PID1: variants seen among roughly 807,000 people sequenced by gnomAD.
PID1 encodes the protein PTB-containing, cubilin and LRP1-interacting protein.
PID1 carries 10 observed loss-of-function variants against 19.1 expected under a neutral mutation model. The ratio of observed to expected loss-of-function variants is 0.52; its 90% CI spans 0.32 to 0.89. The LOEUF (loss-of-function observed/expected upper bound fraction) is 0.89, where lower values mean the gene tolerates loss of function less well. PID1 is among the 40% of genes least tolerant of loss of function. The pLI is 0.03. For missense variants in PID1, 248 were observed against 285.3 expected (o/e 0.87, Z 0.94); for synonymous variants, 130 against 116.0 (o/e 1.12, Z -0.78).
At position 229,155,816 on chromosome 2, in the gene PID1, A is replaced by G; in HGVS notation, c.177+2T>C. 6.2e-7 allele frequency: 1 copy of G among 1,609,992 alleles called. No individual in the cohort carries two copies. Among genetic ancestry groups the G allele is most frequent in the Non-Finnish European group, 8.5e-7 (1 of 1,177,944 alleles). ...AACCCCTGCTGGCCACGTGCCCCAT[A>G]CCTTGCAGCCACTGTGAGTCCTTGT... On this transcript the variant is annotated splice_donor_variant, in intron 2 of 2. Transcript: ENST00000392055. LOFTEE classifies it high-confidence loss of function.
chr2:229,268,798 C>T (rs889912556), intron 1 of PID1, among the ~76,000 whole-genome samples: 1 of 151,878 alleles, frequency 6.6e-6, no homozygotes, highest in Non-Finnish European at 1.5e-5. Context: ...ATCGGACAGG[C>T]ATGTTTCTAT....
At chr2:229,034,333 C>A (rs542168070) in intron 2 of PID1, among the ~76,000 whole-genome samples, 1 of 152,164 alleles carries the variant, frequency 6.6e-6, no homozygotes, top group Non-Finnish European at 1.5e-5. Flanking sequence ...TGGCTAAATG[C>A]TTTATATGGA....
intron 2 of PID1, among the ~76,000 whole-genome samples, chr2:229,053,998 C>A (rs1048446451): frequency 6.6e-6 from 1 of 152,106 alleles, no homozygotes; most frequent in South Asian, 2.1e-4. Context: ...TCTAATCACA[C>A]AAATGGATGG....
intron 1 of PID1, among the ~76,000 whole-genome samples, chr2:229,239,563 T>G (rs1016689905): frequency 2.0e-5 from 3 of 151,888 alleles, no homozygotes; most frequent in Admixed American, 2.0e-4. Context: ...ATCTAGGGGG[T>G]TATGACTAGA....
At chr2:229,111,410 G>C (rs757568909) in intron 2 of PID1, among the ~76,000 whole-genome samples, 15 of 152,250 alleles carry the variant, frequency 9.9e-5, no homozygotes, top group South Asian at 8.3e-4. Context: ...TTAGACTGGA[G>C]TTTTCACTGT....
At chr2:229,269,142 T>C (rs1232179150) in intron 1 of PID1, among the ~76,000 whole-genome samples, 1 of 150,756 alleles carries the variant, frequency 6.6e-6, no homozygotes, top group Non-Finnish European at 1.5e-5. Context: ...GGTAAGGACC[T>C]TCCAACAGTG....
intron 2 of PID1, among the ~76,000 whole-genome samples, chr2:229,133,240 G>A (rs1216983103): frequency 2.0e-5 from 3 of 152,152 alleles, no homozygotes. Context: ...TTAAAGTTCT[G>A]GCAGTGACTA....
intron 1 of PID1, among the ~76,000 whole-genome samples, chr2:229,252,251 G>C (rs1225967256): frequency 6.6e-6 from 1 of 152,226 alleles, no homozygotes. Context: ...AGAGAAGCAA[G>C]AAAGGAAGAA....
chr2:229,155,806 C>A lies in PID1; in HGVS notation c.177+12G>T. 6.3e-7 allele frequency: 1 copy of A among 1,599,214 alleles called. No homozygotes were observed. Among genetic ancestry groups the A allele is most frequent in the South Asian group, 1.1e-5 (1 of 89,680 alleles). On this transcript the variant is annotated intron_variant, in intron 2 of 2. Coordinates refer to ENST00000392055, the MANE Select transcript of PID1 (RefSeq NM_001100818.2). Reference sequence around the variant, plus strand: ...TCACCAAGAGAACCCCTGCTGGCCACGTGCCCCATACCTTGCAGCCACTGT... The same window carrying A: ...TCACCAAGAGAACCCCTGCTGGCCAAGTGCCCCATACCTTGCAGCCACTGT...
Position 229,139,085 on chromosome 2 carries a change from A to AAG in PID1, c.177+16731_177+16732dup, listed in dbSNP as rs1179778341. On this transcript the variant is annotated intron_variant, in intron 2 of 2. Coordinates refer to ENST00000392055, the MANE Select transcript of PID1 (RefSeq NM_001100818.2). ...AAAGAAAGAAAGAAAGAAAGAAAGAAAGAAAGAAAGAAAGAAAGAAAGAAA... is the reference window on the plus strand; with the variant it reads ...AAAGAAAGAAAGAAAGAAAGAAAGAAAGAGAAAGAAAGAAAGAAAGAAAGAAA... Among the ~76,000 whole-genome samples the AAG allele has an allele frequency of 1.1e-3, 77 of 73,108 alleles. 1 individual carries two copies. Among genetic ancestry groups the AAG allele is most frequent in the Middle Eastern group, 6.3e-3 (1 of 158 alleles). The allele number at this position is 73,108 out of a possible 152,430, so 48.0% of individuals were successfully genotyped here. A position where few individuals can be genotyped will look rare whatever the true frequency, so the allele number is the denominator to read the frequency against.
intron 2 of PID1, among the ~76,000 whole-genome samples, chr2:229,042,722 C>T (rs976682783): frequency 6.6e-6 from 1 of 152,100 alleles, no homozygotes; most frequent in African/African-American, 2.4e-5. Flanking sequence ...AAATAGAACC[C>T]AATGCATGAT....
rs184454869 is a variant in PID1 at position 229,264,266 on chromosome 2, C to T, written c.30+6748G>A. On this transcript the variant is annotated intron_variant, in intron 1 of 2. Coordinates refer to ENST00000392055, the MANE Select transcript of PID1 (RefSeq NM_001100818.2). ...AGTGGACTCTCAACTCAGTAGTATA[C>T]ATGAAATTTCCCAATAGTCAACTTC... Among the ~76,000 whole-genome samples the T allele has an allele frequency of 2.9e-3, 444 of 152,270 alleles. 1 individual carries two copies. The highest frequency in any genetic ancestry group is 0.01 in the African/African-American group (422 of 41,566).
At chr2:229,215,495 A>C (rs1691825391) in intron 1 of PID1, among the ~76,000 whole-genome samples, 1 of 152,214 alleles carries the variant, frequency 6.6e-6, no homozygotes, top group African/African-American at 2.4e-5. Context: ...ATGCTTACTT[A>C]AAATACACTA....
intron 2 of PID1, among the ~76,000 whole-genome samples, chr2:229,077,234 T>C (rs1694576457): frequency 1.3e-5 from 2 of 152,312 alleles, no homozygotes; most frequent in Admixed American, 1.3e-4. Context: ...TTGATGGGGT[T>C]GTTTGTTTTT....
intron 2 of PID1, among the ~76,000 whole-genome samples, chr2:229,089,057 G>A (rs1694821311): frequency 6.6e-6 from 1 of 152,082 alleles, no homozygotes; most frequent in African/African-American, 2.4e-5. Context: ...CAGAAGATAG[G>A]AAACAGAGCC....
intron 1 of PID1, among the ~76,000 whole-genome samples, chr2:229,200,670 T>C (rs902655532): frequency 3.3e-5 from 5 of 152,164 alleles, no homozygotes; most frequent in East Asian, 1.9e-4. Flanking sequence ...TTCAACCATG[T>C]TGCTCTTGTT....
At chr2:229,180,260 T>C (rs1279241192) in intron 1 of PID1, among the ~76,000 whole-genome samples, 1 of 152,204 alleles carries the variant, frequency 6.6e-6, no homozygotes, top group Non-Finnish European at 1.5e-5. Flanking sequence ...AATTATGTCC[T>C]ACATAATTTT....
intron 2 of PID1, among the ~76,000 whole-genome samples, chr2:229,125,482 T>C (rs1420359631): frequency 6.6e-6 from 1 of 152,138 alleles, no homozygotes; most frequent in East Asian, 1.9e-4. Context: ...CTATTAATTA[T>C]TGACGCAACT....
intron 2 of PID1, among the ~76,000 whole-genome samples, chr2:229,072,956 T>G (rs1030561981): frequency 6.6e-6 from 1 of 152,338 alleles, no homozygotes; most frequent in Non-Finnish European, 1.5e-5. Context: ...ACAAACCTAC[T>G]CAGCAAGGTG....
Sources: gnomAD v4.1 joint callset for allele counts (sites outside exome capture counted in the v4.1 genomes callset) on GRCh38, gnomAD v4.1.1 for gene constraint, MANE v1.5 for transcripts, NCBI Gene and HGNC (gene_info 2026-07-23, HGNC 2026-07-21) for gene names.